Variants in TAS2R1 observed in about 807,000 individuals in gnomAD.
The protein encoded by TAS2R1 is taste 2 receptor member 1.
For missense variants in TAS2R1, 370 were observed against 353.4 expected (o/e 1.05, Z -0.38); for synonymous variants, 141 against 134.2 (o/e 1.05, Z -0.35).
chr5:9,778,025 C>T, the TAS2R1 span, among the ~76,000 whole-genome samples: 3 of 152,094 alleles, frequency 2.0e-5, no homozygotes, highest in Non-Finnish European at 4.4e-5. Flanking sequence ...GGACTACAGG[C>T]GCCCGCCACC....
the TAS2R1 span, among the ~76,000 whole-genome samples, chr5:9,719,939 C>CA: frequency 9.0e-4 from 82 of 91,084 alleles, no homozygotes; most frequent in African/African-American, 3.5e-3. Flanking sequence ...AAAAAAAAAA[C>CA]AAAAACAAAA....
intron 1 of TAS2R1, among the ~76,000 whole-genome samples, chr5:9,708,720 T>C (rs1741673460): frequency 6.6e-6 from 1 of 152,166 alleles, no homozygotes; most frequent in African/African-American, 2.4e-5. Flanking sequence ...AAGGCCTTTC[T>C]CTCTCCTGTG....
At chr5:9,871,912 G>A in the TAS2R1 span, among the ~76,000 whole-genome samples, 16 of 151,972 alleles carry the variant, frequency 1.1e-4, no homozygotes, top group African/African-American at 3.4e-4. Context: ...TGATCAAAGG[G>A]TACAACTCTG....
At chr5:9,868,945 C>A in the TAS2R1 span, among the ~76,000 whole-genome samples, 1 of 152,310 alleles carries the variant, frequency 6.6e-6, no homozygotes, top group East Asian at 1.9e-4. Flanking sequence ...TTTGAGACCA[C>A]CTCAGCCTGG....
the TAS2R1 span, among the ~76,000 whole-genome samples, chr5:9,725,655 A>T: frequency 6.6e-5 from 10 of 151,340 alleles, no homozygotes; most frequent in Non-Finnish European, 1.5e-4. Context: ...CCCGACGAGC[A>T]CCGCCCCCTG....
At chr5:9,850,399 T>C in the TAS2R1 span, among the ~76,000 whole-genome samples, 4 of 152,246 alleles carry the variant, frequency 2.6e-5, no homozygotes, top group African/African-American at 7.2e-5. Flanking sequence ...CAAAAAGTGA[T>C]GGTAAAACTG....
At chr5:9,700,346 G>A (rs41484) in intron 1 of TAS2R1, among the ~76,000 whole-genome samples, 27,965 of 152,142 alleles carry the variant, frequency 0.18, 3,186 homozygotes, top group Admixed American at 0.31. Flanking sequence ...AATTTAACAA[G>A]TAATACGAAT....
chr5:9,740,454 C>A, the TAS2R1 span, among the ~76,000 whole-genome samples: 1 of 152,180 alleles, frequency 6.6e-6, no homozygotes, highest in Admixed American at 6.5e-5. Flanking sequence ...TAAAAGGCAC[C>A]ATGGTGTAGT....
At chr5:9,810,889 A>G in the TAS2R1 span, among the ~76,000 whole-genome samples, 1 of 152,070 alleles carries the variant, frequency 6.6e-6, no homozygotes, top group African/African-American at 2.4e-5. Context: ...CTACACCCAC[A>G]CCAGAGAAAG....
rs570477130 is a variant in TAS2R1 at position 9,637,803 on chromosome 5, T to C, written c.-80-7811A>G. On this transcript the variant is annotated intron_variant, in intron 2 of 2. Coordinates refer to the TAS2R1 transcript ENST00000506620. ...TGTTAGTGTTTTAATGATACATATT[T>C]ATTTTGATAATTTTTCATCCATATC... 2.0e-5 allele frequency among the ~76,000 whole-genome samples: 3 copies of C among 152,324 alleles called. No homozygotes were observed. In the East Asian group the frequency reaches 5.8e-4, roughly 29 times the overall value.
the TAS2R1 span, among the ~76,000 whole-genome samples, chr5:9,779,272 G>T: frequency 2.0e-5 from 3 of 152,182 alleles, no homozygotes; most frequent in African/African-American, 7.2e-5. Flanking sequence ...GTGAGTAAAA[G>T]CTTCCTGAGA....
chr5:9,768,280 C>T, the TAS2R1 span, among the ~76,000 whole-genome samples: 1 of 152,172 alleles, frequency 6.6e-6, no homozygotes, highest in Non-Finnish European at 1.5e-5. Flanking sequence ...CCTTGGGTCC[C>T]AGACACTCTC....
the TAS2R1 span, among the ~76,000 whole-genome samples, chr5:9,778,850 T>C: frequency 6.6e-6 from 1 of 152,270 alleles, no homozygotes; most frequent in African/African-American, 2.4e-5. Context: ...ATGTCAGCAA[T>C]AAGGCCCTTT....
chr5:9,793,102 T>C, the TAS2R1 span, among the ~76,000 whole-genome samples: 390 of 152,092 alleles, frequency 2.6e-3, 2 homozygotes, highest in African/African-American at 9.1e-3. Context: ...CTTCCAGGAG[T>C]TTCTTCTAAC....
At chr5:9,726,662 C>T in the TAS2R1 span, among the ~76,000 whole-genome samples, 12 of 152,154 alleles carry the variant, frequency 7.9e-5, no homozygotes, top group South Asian at 2.1e-4. Context: ...ACTCCAGACG[C>T]GCCACCTTAA....
rs551208058 is a variant in TAS2R1, at chr5:9,687,588, C to G, written c.-242+24584G>C. 2.6e-5 allele frequency among the ~76,000 whole-genome samples: 4 copies of G among 152,106 alleles called. No individual in the cohort carries two copies. In the South Asian group the frequency reaches 8.3e-4, roughly 32 times the overall value. ...CTTTCTGCCTGTAGTCCAGATCCCCCGAAGAAGAAAACAATGTCCTCCGGT... is the reference window on the plus strand; with the variant it reads ...CTTTCTGCCTGTAGTCCAGATCCCCGGAAGAAGAAAACAATGTCCTCCGGT... On this transcript the variant is annotated intron_variant, in intron 1 of 2. Coordinates refer to the TAS2R1 transcript ENST00000506620.
At chr5:9,755,492 C>T in the TAS2R1 span, among the ~76,000 whole-genome samples, 8 of 145,266 alleles carry the variant, frequency 5.5e-5, no homozygotes, top group East Asian at 6.4e-4. Flanking sequence ...GAGGCTGAGG[C>T]GGGAGAATTG....
At chr5:9,769,922 G>A in the TAS2R1 span, among the ~76,000 whole-genome samples, 2 of 152,030 alleles carry the variant, frequency 1.3e-5, no homozygotes, top group African/African-American at 4.8e-5. Context: ...AACTTGATGT[G>A]ATCCCCTTTG....
chr5:9,789,353 T>A, the TAS2R1 span, among the ~76,000 whole-genome samples: 1 of 152,204 alleles, frequency 6.6e-6, no homozygotes, highest in African/African-American at 2.4e-5. Context: ...TACAGAGTCA[T>A]TTTCTTCATT....
Sources: gnomAD v4.1 joint callset for allele counts (sites outside exome capture counted in the v4.1 genomes callset) on GRCh38, gnomAD v4.1.1 for gene constraint, MANE v1.5 for transcripts, NCBI Gene and HGNC (gene_info 2026-07-23, HGNC 2026-07-21) for gene names.